USP28: variants seen among roughly 807,000 people sequenced by gnomAD.
USP28 encodes ubiquitin carboxyl-terminal hydrolase 28.
USP28 carries 113 observed loss-of-function variants against 145.0 expected under a neutral mutation model. The ratio of observed to expected loss-of-function variants is 0.78; its 90% CI spans 0.67 to 0.91. The LOEUF is 0.91. Ranked by LOEUF, USP28 falls within the 40% of genes least tolerant of loss-of-function variation. The pLI, the probability that USP28 is intolerant of heterozygous loss-of-function variation, is 0.00. For synonymous variants in USP28, 447 were observed against 450.9 expected (o/e 0.99, Z 0.11); for missense variants, 1,201 against 1,289.6 (o/e 0.93, Z 1.05).
chr11:113,827,222 C>T lies in USP28; in HGVS notation c.1187+11G>A. ...TACCTCAGGAAAAAAAAAAATCAGC[C>T]AAGAACTCACCTGTCCATATAAATA... On this transcript the variant is annotated intron_variant, in intron 11 of 24. Coordinates refer to ENST00000003302, the Ensembl canonical transcript of USP28. The T allele has an allele frequency of 6.3e-7, 1 of 1,591,180 alleles. No individual in the cohort carries two copies. Among genetic ancestry groups the T allele is most frequent in the Non-Finnish European group, 8.5e-7 (1 of 1,173,552 alleles).
chr11:113,805,938 T>TA (rs937747591), intron 19 of USP28, among the ~76,000 whole-genome samples: 10 of 152,118 alleles, frequency 6.6e-5, no homozygotes, highest in African/African-American at 2.4e-4. Context: ...ACTTTTTTTT[T>TA]ATTTTTTGGA....
intron 5 of USP28, 93 bp from the exon 6 acceptor site, chr11:113,834,428 T>A: frequency 2.3e-6 from 2 of 875,882 alleles, no homozygotes; most frequent in Non-Finnish European, 3.3e-6. Flanking sequence ...ATTTCATATT[T>A]AAAAGTATGC....
intron 14 of USP28, among the ~76,000 whole-genome samples, chr11:113,814,728 AAAG>A (rs1941463738): frequency 6.6e-6 from 1 of 152,072 alleles, no homozygotes; most frequent in South Asian, 2.1e-4. Context: ...TAAAAGTGCA[AAAG>A]AAGTCACAAT....
At chr11:113,824,629 A>G (rs897074333) in intron 11 of USP28, among the ~76,000 whole-genome samples, 11 of 150,166 alleles carry the variant, frequency 7.3e-5, no homozygotes, top group Non-Finnish European at 3.0e-5. Flanking sequence ...GAAAAACTCA[A>G]TATTATTATT....
chr11:113,875,014 G>C, intron 1 of USP28: 1 of 721,046 alleles, frequency 1.4e-6, no homozygotes, highest in Non-Finnish European at 1.7e-6. Flanking sequence ...CTTTAAGTGA[G>C]ATAACTTCGG....
At chr11:113,829,824 C>CAAAAAAAAAAAAAAAAA (rs5794883) in intron 9 of USP28, among the ~76,000 whole-genome samples, 1 of 104,708 alleles carries the variant, frequency 9.6e-6, no homozygotes, top group African/African-American at 3.7e-5. Flanking sequence ...GGACTTGTCT[C>CAAAAAAAAAAAAAAAAA]AAAAAAAAAA....
chr11:113,809,249 C>A, exon 17 of USP28: 1 of 1,613,214 alleles, frequency 6.2e-7, no homozygotes, highest in Non-Finnish European at 8.5e-7. Context: ...TCAGTTGGGG[C>A]TGCCTCTGAG....
intron 6 of USP28, 38 bp from the exon 7 acceptor site, chr11:113,833,595 C>G: frequency 6.4e-7 from 1 of 1,571,534 alleles, no homozygotes; most frequent in Non-Finnish European, 8.6e-7. Flanking sequence ...TACAATATCT[C>G]ATTTAGAAAA....
chr11:113,826,337 ATTTTTTTTTTTTTT>A (rs71063527), intron 11 of USP28, among the ~76,000 whole-genome samples: 10 of 50,736 alleles, frequency 2.0e-4, no homozygotes, highest in Admixed American at 8.3e-4. Flanking sequence ...CACCACACCC[ATTTTTTTTTTTTTT>A]TTTTTTTTTT....
At chr11:113,842,312 G>A (rs1048920688) in intron 3 of USP28, among the ~76,000 whole-genome samples, 13 of 152,090 alleles carry the variant, frequency 8.5e-5, no homozygotes, top group African/African-American at 2.7e-4. Context: ...TTGGCTGGGC[G>A]CAGTGGCTTA....
chr11:113,806,433 T>C, intron 19 of USP28, 56 bp downstream of exon 20: 1 of 1,444,314 alleles, frequency 6.9e-7, no homozygotes, highest in Non-Finnish European at 9.7e-7. Context: ...TAGAATTATT[T>C]CCCCAATATT....
Position 113,854,192 on chromosome 11 carries a change from C to T in USP28, c.135+66G>A, listed in dbSNP as rs117015146. Reference sequence around the variant, plus strand: ...AATTTGGGAATAGAAATAGCTTGAACTGACATAACTATAATATAGACAGCT... The same window carrying T: ...AATTTGGGAATAGAAATAGCTTGAATTGACATAACTATAATATAGACAGCT... On this transcript the variant is annotated intron_variant, in intron 2 of 24. Coordinates refer to ENST00000003302, the Ensembl canonical transcript of USP28. The T allele has an allele frequency of 1.3e-5, 18 of 1,424,274 alleles. No individual in the cohort carries two copies. In the East Asian group the frequency reaches 4.1e-4, roughly 33 times the overall value. The allele number at this position is 1,424,274 out of a possible 1,614,324, so 88.2% of individuals were successfully genotyped here.
intron 3 of USP28, among the ~76,000 whole-genome samples, chr11:113,848,857 G>A (rs1351029923): frequency 1.3e-5 from 2 of 152,168 alleles, no homozygotes; most frequent in African/African-American, 4.8e-5. Context: ...AGTGCTGGTA[G>A]GGACAAACTG....
intron 1 of USP28, among the ~76,000 whole-genome samples, chr11:113,868,033 C>T (rs1008249424): frequency 6.6e-6 from 1 of 152,090 alleles, no homozygotes; most frequent in South Asian, 2.1e-4. Flanking sequence ...CCCTGTTTTA[C>T]GTAGAAAGCC....
At chr11:113,870,191 CA>C (rs1020876523) in intron 1 of USP28, among the ~76,000 whole-genome samples, 11 of 151,746 alleles carry the variant, frequency 7.2e-5, no homozygotes, top group Non-Finnish European at 1.5e-4. Context: ...AAAGTAACAG[CA>C]AAAAAGTGGT....
exon 3 of USP28, chr11:113,852,519 T>A: frequency 1.3e-5 from 21 of 1,614,194 alleles, no homozygotes; most frequent in Non-Finnish European, 1.8e-5. Context: ...ACTTCCTTGT[T>A]GGCAGCACTC....
chr11:113,870,945 T>C (rs922196647), intron 1 of USP28, among the ~76,000 whole-genome samples: 1 of 152,198 alleles, frequency 6.6e-6, no homozygotes, highest in Non-Finnish European at 1.5e-5. Flanking sequence ...TTTGTTGTTG[T>C]TATTTGGTTT....
intron 4 of USP28, among the ~76,000 whole-genome samples, 196 bp downstream of exon 4, chr11:113,841,467 G>T (rs1945183153): frequency 1.3e-5 from 2 of 152,142 alleles, no homozygotes; most frequent in Admixed American, 1.3e-4. Context: ...AAAGACACAC[G>T]ATGCAATAAG....
chr11:113,801,364 C>T (rs1301693916), intron 24 of USP28, 119 bp downstream of exon 25: 1 of 707,504 alleles, frequency 1.4e-6, no homozygotes, highest in Non-Finnish European at 2.2e-6. Context: ...TTTTAATTTA[C>T]TTATATGCTA....
Sources: gnomAD v4.1 joint callset for allele counts (sites outside exome capture counted in the v4.1 genomes callset) on GRCh38, gnomAD v4.1.1 for gene constraint, MANE v1.5 for transcripts, NCBI Gene and HGNC (gene_info 2026-07-23, HGNC 2026-07-21) for gene names.